The following ELAVL2 variants were observed in gnomAD, a reference collection of about 807,000 sequenced individuals.
ELAVL2 encodes the protein ELAV-like protein 2.
Under a neutral mutation model 34.6 loss-of-function variants are expected in ELAVL2, and 4 were observed. The observed-to-expected ratio is 0.12, with a 90% confidence interval of 0.06 to 0.26. The LOEUF is 0.26. ELAVL2 is among the 10% of genes least tolerant of loss of function. The pLI, the probability that ELAVL2 is intolerant of heterozygous loss-of-function variation, is 1.00. For synonymous variants in ELAVL2, 193 were observed against 154.8 expected, an observed-to-expected ratio of 1.25 and a Z score of -1.83; for missense variants, 432 against 442.8, an observed-to-expected ratio of 0.98 and a Z score of 0.22.
chr9:23,808,209 C>T (rs544737781), intron 1 of ELAVL2, among the ~76,000 whole-genome samples: 15 of 146,288 alleles, frequency 1.0e-4, no homozygotes, highest in Middle Eastern at 6.8e-3. Context: ...CTTCACTAAT[C>T]ACCTCCCACA....
At chr9:23,782,613 A>G (rs2059211548) in intron 1 of ELAVL2, among the ~76,000 whole-genome samples, 1 of 152,048 alleles carries the variant, frequency 6.6e-6, no homozygotes, top group Admixed American at 6.6e-5. Flanking sequence ...ACCAAAACAA[A>G]AAACCATGCA....
intron 3 of ELAVL2, among the ~76,000 whole-genome samples, chr9:23,718,321 G>A (rs536680599): frequency 9.4e-4 from 143 of 152,018 alleles, no homozygotes; most frequent in Non-Finnish European, 1.6e-3. Flanking sequence ...TAAACCATAC[G>A]CTATCCAAGA....
At chr9:23,802,997 G>T (rs781118878) in intron 1 of ELAVL2, among the ~76,000 whole-genome samples, 2 of 152,146 alleles carry the variant, frequency 1.3e-5, no homozygotes, top group Admixed American at 6.5e-5. Context: ...AATAATTTAA[G>T]TGTACAAAGG....
intron 3 of ELAVL2, among the ~76,000 whole-genome samples, chr9:23,725,850 TAGC>T (rs3030401): frequency 0.012 from 1,798 of 152,278 alleles, 31 homozygotes; most frequent in African/African-American, 0.042. Context: ...ATATGCAACT[TAGC>T]AGACCATGAA....
intron 3 of ELAVL2, among the ~76,000 whole-genome samples, chr9:23,714,596 C>T (rs2041836496): frequency 1.3e-5 from 2 of 152,318 alleles, no homozygotes; most frequent in South Asian, 2.1e-4. Flanking sequence ...CTCTCACTAC[C>T]TCAATTCTCT....
At chr9:23,848,992 T>C in the ELAVL2 span, among the ~76,000 whole-genome samples, 2 of 152,220 alleles carry the variant, frequency 1.3e-5, no homozygotes, top group Non-Finnish European at 2.9e-5. Context: ...GCACTATTAA[T>C]CCTTTTTTTA....
chr9:23,745,487 T>G (rs905260079), intron 2 of ELAVL2, among the ~76,000 whole-genome samples: 3 of 152,064 alleles, frequency 2.0e-5, no homozygotes, highest in Admixed American at 1.3e-4. Context: ...AACACAAAAT[T>G]GACTAGATTC....
At chr9:23,706,882 T>C (rs1003704596) in intron 3 of ELAVL2, among the ~76,000 whole-genome samples, 1 of 152,218 alleles carries the variant, frequency 6.6e-6, no homozygotes, top group African/African-American at 2.4e-5. Context: ...CCACATTTTA[T>C]ACTACTTTAT....
intron 3 of ELAVL2, among the ~76,000 whole-genome samples, chr9:23,730,659 A>G (rs937076816): frequency 6.6e-6 from 1 of 152,126 alleles, no homozygotes; most frequent in African/African-American, 2.4e-5. Context: ...GACAGAATGC[A>G]TGGCTCGCAA....
At chr9:23,743,810 T>C (rs569251901) in intron 2 of ELAVL2, among the ~76,000 whole-genome samples, 36 of 152,204 alleles carry the variant, frequency 2.4e-4, no homozygotes, top group Non-Finnish European at 3.8e-4. Context: ...TGTGATGCTT[T>C]CTTTAATCTG....
At chr9:23,717,090 G>T (rs2042503006) in intron 3 of ELAVL2, among the ~76,000 whole-genome samples, 1 of 152,204 alleles carries the variant, frequency 6.6e-6, no homozygotes, top group Non-Finnish European at 1.5e-5. Flanking sequence ...AAAGTTAAAT[G>T]TAAATGCCAT....
At chr9:23,706,423 G>C (rs756758801) in intron 3 of ELAVL2, among the ~76,000 whole-genome samples, 1 of 152,060 alleles carries the variant, frequency 6.6e-6, no homozygotes, top group African/African-American at 2.4e-5. Flanking sequence ...GATCCACAAC[G>C]GCTTACTGAA....
intron 5 of ELAVL2, among the ~76,000 whole-genome samples, chr9:23,693,894 A>C (rs561631335): frequency 7.9e-4 from 120 of 152,342 alleles, no homozygotes; most frequent in African/African-American, 2.8e-3. Flanking sequence ...ACAGGGTTTA[A>C]GTGGCTTGCT....
chr9:23,840,399 T>A, the ELAVL2 span, among the ~76,000 whole-genome samples: 1 of 151,124 alleles, frequency 6.6e-6, no homozygotes, highest in Non-Finnish European at 1.5e-5. Flanking sequence ...TAAGCACATA[T>A]GTGTATGAAA....
chr9:23,792,272 T>C (rs1056420879), intron 1 of ELAVL2, among the ~76,000 whole-genome samples: 9 of 152,242 alleles, frequency 5.9e-5, no homozygotes, highest in African/African-American at 2.2e-4. Context: ...TAAATGTATT[T>C]TCTACTTATG....
chr9:23,737,698 A>C lies in ELAVL2; in HGVS notation c.230-6573T>G, dbSNP rs138092947. 1.5e-4 allele frequency among the ~76,000 whole-genome samples: 23 copies of C among 152,322 alleles called. No homozygotes were observed. In the East Asian group the frequency reaches 4.4e-3, roughly 29 times the overall value. The stretch of plus-strand genomic sequence containing the variant: ...TGACTACACTGATTGATGTGTATCT[A>C]TTATTCCATTTACAGCAGTAGTAAT... On this transcript the variant is annotated intron_variant, in intron 2 of 6. Coordinates refer to ENST00000397312, the MANE Select transcript of ELAVL2 (RefSeq NM_004432.5).
chr9:23,696,686 G>A (rs989919898), intron 5 of ELAVL2, among the ~76,000 whole-genome samples: 1 of 151,854 alleles, frequency 6.6e-6, no homozygotes, highest in Admixed American at 6.6e-5. Context: ...TAGCCATGAT[G>A]GTCTCGATCT....
chr9:23,696,956 T>C (rs2035480402), intron 5 of ELAVL2, among the ~76,000 whole-genome samples: 1 of 151,742 alleles, frequency 6.6e-6, no homozygotes, highest in African/African-American at 2.4e-5. Context: ...TAAAATAAAG[T>C]ATTTTTTACT....
At chr9:23,792,281 T>A (rs539327922) in intron 1 of ELAVL2, among the ~76,000 whole-genome samples, 4 of 152,358 alleles carry the variant, frequency 2.6e-5, no homozygotes, top group South Asian at 4.1e-4. Flanking sequence ...TTTCTACTTA[T>A]GACATCTTCA....
Sources: gnomAD v4.1 joint callset for allele counts (sites outside exome capture counted in the v4.1 genomes callset) on GRCh38, gnomAD v4.1.1 for gene constraint, MANE v1.5 for transcripts, NCBI Gene and HGNC (gene_info 2026-07-23, HGNC 2026-07-21) for gene names.